MCPH1: variants seen among roughly 807,000 people sequenced by gnomAD.
MCPH1 encodes microcephalin 1, also known as microcephalin.
Under a neutral mutation model 84.5 loss-of-function variants are expected in MCPH1, and 104 were observed. That is an observed-to-expected ratio of 1.23 (90% CI 1.05 to 1.45). MCPH1 has a LOEUF of 1.45. MCPH1 is among the 40% of genes most tolerant of loss of function. The pLI, the probability that MCPH1 is intolerant of heterozygous loss-of-function variation, is 0.00. For missense variants in MCPH1, 1,498 were observed against 1,005.7 expected, an observed-to-expected ratio of 1.49 and a Z score of -6.62; for synonymous variants, 514 against 366.8, an observed-to-expected ratio of 1.40 and a Z score of -4.58.
At chr8:6,640,119 T>C (rs565496253) in intron 13 of MCPH1, among the ~76,000 whole-genome samples, 54 of 146,502 alleles carry the variant, frequency 3.7e-4, no homozygotes, top group African/African-American at 8.6e-4. Flanking sequence ...TGTGTGTGTG[T>C]GCGTGTGTGT....
rs17077023 is a variant in MCPH1 at position 6,465,876 on chromosome 8, T to C, written c.1935+10624T>C. ...GAGTGGTTTTCCCAGGAAAAATTTA[T>C]GTCTGTTCTCTTGAGGAATAATTAT... is the stretch of plus-strand genomic sequence containing the variant. On this transcript the variant is annotated intron_variant, in intron 9 of 13. Transcript: ENST00000344683. Among the ~76,000 whole-genome samples, 1,340 of 152,278 alleles carry C rather than the reference T, an allele frequency of 8.8e-3. 26 individuals are homozygous for C. Among genetic ancestry groups the C allele is most frequent in the African/African-American group, 0.03 (1,247 of 41,540 alleles).
At chr8:6,578,109 A>G (rs1253228023) in intron 12 of MCPH1, among the ~76,000 whole-genome samples, 1 of 152,164 alleles carries the variant, frequency 6.6e-6, no homozygotes, top group Non-Finnish European at 1.5e-5. Flanking sequence ...TACAAACAAC[A>G]CACTGGCATT....
At chr8:6,462,707 C>G (rs946630612) in intron 9 of MCPH1, among the ~76,000 whole-genome samples, 1 of 152,160 alleles carries the variant, frequency 6.6e-6, no homozygotes, top group African/African-American at 2.4e-5. Flanking sequence ...ATATCTGTGC[C>G]TATACTTCTT....
intron 11 of MCPH1, among the ~76,000 whole-genome samples, chr8:6,498,722 T>A (rs1047814629): frequency 7.2e-5 from 11 of 152,196 alleles, no homozygotes; most frequent in Non-Finnish European, 1.3e-4. Flanking sequence ...ATGAACTTGA[T>A]TTTAACCTTT....
At chr8:6,640,936 A>G (rs190008519) in intron 13 of MCPH1, among the ~76,000 whole-genome samples, 4 of 152,190 alleles carry the variant, frequency 2.6e-5, no homozygotes, top group African/African-American at 9.6e-5. Flanking sequence ...ACATTCCCAC[A>G]TGGTATGGGT....
intron 3 of MCPH1, among the ~76,000 whole-genome samples, chr8:6,420,301 A>T (rs1159086500): frequency 6.6e-6 from 1 of 151,508 alleles, no homozygotes; most frequent in African/African-American, 2.4e-5. Context: ...CCTCTTTCTG[A>T]GACTTCTTTT....
intron 11 of MCPH1, among the ~76,000 whole-genome samples, chr8:6,492,870 G>T (rs1350064013): frequency 6.6e-6 from 1 of 152,022 alleles, no homozygotes; most frequent in African/African-American, 2.4e-5. Context: ...TACAGAGACT[G>T]CATACTGCGC....
At chr8:6,420,995 A>C (rs530679936) in intron 3 of MCPH1, among the ~76,000 whole-genome samples, 30 of 152,258 alleles carry the variant, frequency 2.0e-4, no homozygotes, top group African/African-American at 5.1e-4. Flanking sequence ...ATGGAGGTCT[A>C]ATTTGATGTT....
At chr8:6,585,868 G>C (rs1462060601) in intron 12 of MCPH1, among the ~76,000 whole-genome samples, 1 of 152,212 alleles carries the variant, frequency 6.6e-6, no homozygotes, top group Non-Finnish European at 1.5e-5. Flanking sequence ...AACAGTCACA[G>C]TGTGCATTTT....
At chr8:6,499,333 T>G (rs1432834712) in intron 11 of MCPH1, among the ~76,000 whole-genome samples, 1 of 152,028 alleles carries the variant, frequency 6.6e-6, no homozygotes, top group African/African-American at 2.4e-5. Flanking sequence ...TATGGGACAT[T>G]TTACTCTTCC....
intron 3 of MCPH1, among the ~76,000 whole-genome samples, chr8:6,425,435 G>A (rs913761371): frequency 1.1e-4 from 16 of 152,166 alleles, no homozygotes; most frequent in African/African-American, 3.1e-4. Flanking sequence ...GTGTTACCAC[G>A]TGTGCTAAAG....
chr8:6,468,254 A>G (rs1374770775), intron 9 of MCPH1, among the ~76,000 whole-genome samples: 4 of 151,890 alleles, frequency 2.6e-5, no homozygotes, highest in African/African-American at 7.3e-5. Context: ...GGAATTCCCT[A>G]TGGTCCTTTG....
rs374800057 is a variant in MCPH1 at position 6,621,625 on chromosome 8, G to A, written c.2386G>A (p.Val796Ile). The A allele has an allele frequency of 3.0e-5, 48 of 1,614,196 alleles. No individual in the cohort carries two copies. The highest frequency in any genetic ancestry group is 5.3e-5 in the African/African-American group (4 of 75,054). ...VSQVPRQASI[V>I]IGPYSGKKKA... ...CCAAGTCCCCCGCCAGGCCAGCATC[G>A]TCATCGGGCCCTACAGCGGAAAGAA... The change falls in exon 13 of 14, where the codon GTC becomes ATC. Residue 796 changes from valine (V) to isoleucine (I), a missense_variant. Physicochemically the swap from Val to Ile is conservative, Grantham distance 29. Transcript: ENST00000344683.
chr8:6,559,970 A>G (rs890929834), intron 12 of MCPH1, among the ~76,000 whole-genome samples: 5 of 152,222 alleles, frequency 3.3e-5, no homozygotes, highest in Non-Finnish European at 7.3e-5. Context: ...TTTGCCGGAC[A>G]GATTAAAGGG....
chr8:6,580,762 CCCTGAGGGCCATGATGG>C (rs1827505843), intron 12 of MCPH1, among the ~76,000 whole-genome samples: 1 of 152,174 alleles, frequency 6.6e-6, no homozygotes, highest in Non-Finnish European at 1.5e-5. Context: ...AGAAAGACTT[CCCTGAGGGCCATGATGG>C]TAGTTAGTGC....
intron 12 of MCPH1, chr8:6,508,783 A>C: frequency 1.4e-5 from 16 of 1,159,816 alleles, no homozygotes; most frequent in Non-Finnish European, 2.0e-5. Context: ...AAAAGTGAAA[A>C]ACACATTTAC....
intron 3 of MCPH1, among the ~76,000 whole-genome samples, chr8:6,431,213 C>G (rs148754969): frequency 1.3e-5 from 2 of 152,116 alleles, no homozygotes; most frequent in South Asian, 4.1e-4. Flanking sequence ...GAGTACCATG[C>G]ACTAATAATT....
At chr8:6,600,477 G>A (rs1431861488) in intron 12 of MCPH1, among the ~76,000 whole-genome samples, 1 of 152,214 alleles carries the variant, frequency 6.6e-6, no homozygotes, top group African/African-American at 2.4e-5. Flanking sequence ...ACTGGGGATT[G>A]GGGCGGCACT....
chr8:6,622,653 C>G (rs1831584368), intron 13 of MCPH1, among the ~76,000 whole-genome samples: 1 of 152,182 alleles, frequency 6.6e-6, no homozygotes, highest in Non-Finnish European at 1.5e-5. Flanking sequence ...GATGGGGTAT[C>G]GGCAGCGTTG....
Sources: gnomAD v4.1 joint callset for allele counts (sites outside exome capture counted in the v4.1 genomes callset) on GRCh38, gnomAD v4.1.1 for gene constraint, MANE v1.5 for transcripts, NCBI Gene and HGNC (gene_info 2026-07-23, HGNC 2026-07-21) for gene names.